Variants in PTPRA observed in about 807,000 individuals in gnomAD.
PTPRA encodes the protein protein tyrosine phosphatase receptor type A.
Under a neutral mutation model 104.8 loss-of-function variants are expected in PTPRA, and 25 were observed. That is an observed-to-expected ratio of 0.24 (90% CI 0.17 to 0.33). The LOEUF is 0.33. Among genes scored for constraint, PTPRA ranks in the 10% least tolerant of loss-of-function variants. The pLI is 1.00. For missense variants in PTPRA, 765 were observed against 1,015.3 expected (o/e 0.75, Z 3.35); for synonymous variants, 323 against 368.9 (o/e 0.88, Z 1.43).
At chr20:2,940,429 T>A (rs1415417277) in intron 2 of PTPRA, among the ~76,000 whole-genome samples, 11 of 152,142 alleles carry the variant, frequency 7.2e-5, no homozygotes, top group African/African-American at 2.4e-4. Flanking sequence ...TATCTGGGAC[T>A]ACAGGCATAT....
rs139503171 is a variant in PTPRA at position 2,997,702 on chromosome 20, A to C, written c.739-7354A>C. ...AGCTGGAGCTTTTTTGTTCACCAGCATTTGTCTTTCTAGGAATCATTGAAT... is the reference window on the plus strand; with the variant it reads ...AGCTGGAGCTTTTTTGTTCACCAGCCTTTGTCTTTCTAGGAATCATTGAAT... On this transcript the variant is annotated intron_variant, in intron 9 of 23. Transcript: ENST00000399903. 5.8e-4 allele frequency among the ~76,000 whole-genome samples: 88 copies of C among 152,344 alleles called. 1 individual carries two copies. The highest frequency in any genetic ancestry group is 1.8e-3 in the African/African-American group (76 of 41,586).
intron 13 of PTPRA, among the ~76,000 whole-genome samples, chr20:3,020,179 G>A (rs2064786824): frequency 6.6e-6 from 1 of 151,852 alleles, no homozygotes; most frequent in African/African-American, 2.4e-5. Flanking sequence ...TGCCATCTCG[G>A]CTCACTGCAA....
At chr20:3,000,992 G>A (rs906669566) in intron 9 of PTPRA, among the ~76,000 whole-genome samples, 6 of 152,052 alleles carry the variant, frequency 3.9e-5, no homozygotes, top group African/African-American at 1.2e-4. Context: ...ATCAACAAAT[G>A]TGAAAAAAAA....
intron 2 of PTPRA, among the ~76,000 whole-genome samples, chr20:2,931,999 C>CT (rs1194788589): frequency 5.9e-5 from 9 of 152,260 alleles, no homozygotes; most frequent in Non-Finnish European, 8.8e-5. Context: ...AGAACTTTAA[C>CT]TTTTTTCTTC....
chr20:2,992,347 T>G (rs1192584982), intron 9 of PTPRA, among the ~76,000 whole-genome samples: 1 of 151,728 alleles, frequency 6.6e-6, no homozygotes, highest in Admixed American at 6.6e-5. Context: ...TGAAACCCCG[T>G]CTCTACTAAA....
intron 1 of PTPRA, among the ~76,000 whole-genome samples, chr20:2,890,611 C>G (rs533779909): frequency 2.7e-4 from 41 of 152,222 alleles, no homozygotes; most frequent in South Asian, 1.5e-3. Flanking sequence ...TAACTTTTTA[C>G]CTTTCTGATT....
At chr20:2,981,750 G>T (rs1401180281) in intron 6 of PTPRA, among the ~76,000 whole-genome samples, 1 of 152,058 alleles carries the variant, frequency 6.6e-6, no homozygotes, top group Non-Finnish European at 1.5e-5. Context: ...GTACCATCCT[G>T]GTACCTCAAG....
At chr20:2,899,711 C>T (rs1256683970) in intron 1 of PTPRA, among the ~76,000 whole-genome samples, 1 of 152,122 alleles carries the variant, frequency 6.6e-6, no homozygotes, top group Non-Finnish European at 1.5e-5. Flanking sequence ...ATATATACAT[C>T]TGTATCTTCC....
At chr20:3,023,070 G>C (rs191031913) in intron 16 of PTPRA, among the ~76,000 whole-genome samples, 87 of 152,314 alleles carry the variant, frequency 5.7e-4, no homozygotes, top group African/African-American at 2.1e-3. Flanking sequence ...TGTAACCCTA[G>C]CCCCAACCCT....
At chr20:2,924,265 G>A (rs906017996) in intron 2 of PTPRA, among the ~76,000 whole-genome samples, 1 of 152,130 alleles carries the variant, frequency 6.6e-6, no homozygotes, top group East Asian at 1.9e-4. Context: ...AGCTGAGTGT[G>A]GTGGCTCACG....
chr20:2,895,812 AGCTACC>A (rs2058976449), intron 1 of PTPRA, among the ~76,000 whole-genome samples: 1 of 152,050 alleles, frequency 6.6e-6, no homozygotes, highest in Non-Finnish European at 1.5e-5. Context: ...TACAGGTGTG[AGCTACC>A]GCACCCGGCT....
rs2064861354 is a variant in PTPRA, at chr20:3,021,407, A to G, written c.1140A>G (p.Val380=). 1 of 1,613,932 alleles carries G rather than the reference A, an allele frequency of 6.2e-7. No homozygotes were observed. Among genetic ancestry groups the G allele is most frequent in the African/African-American group, 1.3e-5 (1 of 74,916 alleles). Residue 380 remains valine, a synonymous_variant, in exon 14 of 24, where the codon GTA becomes GTG. Coordinates refer to ENST00000399903, the MANE Select transcript of PTPRA (RefSeq NM_001385305.1). Reference sequence around the variant, plus strand: ...TGACTGTCCTGGTGGACTACACAGTACGGAAGTTCTGCATCCAGCAGGTAG... The same window carrying G: ...TGACTGTCCTGGTGGACTACACAGTGCGGAAGTTCTGCATCCAGCAGGTAG... ...EDVTVLVDYT[V]RKFCIQQVGD...
intron 2 of PTPRA, 133 bp downstream of exon 2, chr20:2,923,418 T>A: frequency 2.1e-6 from 1 of 484,942 alleles, no homozygotes; most frequent in South Asian, 2.4e-5. Context: ...TTTTTATTAT[T>A]ATAAACATTG....
intron 1 of PTPRA, among the ~76,000 whole-genome samples, chr20:2,901,979 AG>A (rs1266512358): frequency 1.3e-5 from 2 of 151,416 alleles, no homozygotes; most frequent in African/African-American, 2.4e-5. Flanking sequence ...TCTGCCTCCC[AG>A]GTTCAAGTGA....
chr20:3,035,575 G>C lies in PTPRA; in HGVS notation c.1921-10G>C. The C allele has an allele frequency of 6.2e-7, 1 of 1,608,910 alleles. No homozygotes were observed. On this transcript the variant is annotated splice_polypyrimidine_tract_variant and intron_variant, in intron 20 of 23. Coordinates refer to ENST00000399903, the MANE Select transcript of PTPRA (RefSeq NM_001385305.1). The surrounding 1 kb of genome is among the most constrained non-coding windows in gnomAD (Gnocchi z 5.8). The stretch of plus-strand genomic sequence containing the variant: ...TCTGAGCTCCTCACCTCTCCAACCT[G>C]TCTCTCCAGGAGAAGTGTGCCCAGT...
chr20:2,997,192 G>T (rs1430675244), intron 9 of PTPRA, among the ~76,000 whole-genome samples: 1 of 151,838 alleles, frequency 6.6e-6, no homozygotes, highest in Non-Finnish European at 1.5e-5. Flanking sequence ...TGTGTGTTTG[G>T]GTATGTTAAT....
At position 3,037,101 on chromosome 20, in the gene PTPRA, C is replaced by G. The variant is rs1033990116; in HGVS notation, c.2199-53C>G. 3.8e-6 allele frequency: 6 copies of G among 1,597,598 alleles called. No homozygotes were observed. Among genetic ancestry groups the G allele is most frequent in the Non-Finnish European group, 5.1e-6 (6 of 1,171,448 alleles). ...CTGCCACTCACCACTGTCACTCACC[C>G]CCTTGCACAGAGGGCCATCACAGGT... is the stretch of plus-strand genomic sequence containing the variant. On this transcript the variant is annotated intron_variant, in intron 22 of 23. Coordinates refer to ENST00000399903, the MANE Select transcript of PTPRA (RefSeq NM_001385305.1). The surrounding 1 kb of genome is among the most constrained non-coding windows in gnomAD (Gnocchi z 4.3).
At chr20:2,943,206 T>TCC (rs147898735) in intron 2 of PTPRA, among the ~76,000 whole-genome samples, 2,023 of 97,008 alleles carry the variant, frequency 0.021, 1 homozygote, top group East Asian at 0.045. Flanking sequence ...TTGGAACATA[T>TCC]CCCCCCACCC....
intron 2 of PTPRA, among the ~76,000 whole-genome samples, chr20:2,937,754 G>A (rs11905950): frequency 5.9e-5 from 9 of 151,954 alleles, no homozygotes; most frequent in African/African-American, 2.2e-4. Context: ...TGATCTGTTG[G>A]TGACACATTT....
Sources: allele counts gnomAD v4.1 joint callset (sites outside exome capture counted in the v4.1 genomes callset), GRCh38; gene constraint gnomAD v4.1.1; non-coding constraint Gnocchi (gnomAD v3.1); transcripts MANE v1.5; gene names NCBI Gene and HGNC (gene_info 2026-07-23, HGNC 2026-07-21).